The following VCF1 variants were observed in gnomAD, a reference collection of about 807,000 sequenced individuals.
The protein encoded by VCF1 is VCP nuclear cofactor family member 1.
chr17:73,211,499 T>C, the VCF1 span, among the ~76,000 whole-genome samples: 136,112 of 148,702 alleles, frequency 0.92, 62,820 homozygotes, highest in Non-Finnish European at 0.99. Context: ...ACCTGGGGGG[T>C]GGAGGTTGCA....
At chr17:73,209,436 G>T in the VCF1 span, 1 of 1,436,570 alleles carries the variant, frequency 7.0e-7, no homozygotes, top group Non-Finnish European at 9.3e-7. Flanking sequence ...GGCATTTTTC[G>T]TGTGCAATTT....
chr17:73,222,587 G>C, the VCF1 span, among the ~76,000 whole-genome samples: 1 of 151,906 alleles, frequency 6.6e-6, no homozygotes, highest in Non-Finnish European at 1.5e-5. Context: ...AGACCAGCCT[G>C]GCCAACATCG....
the VCF1 span, among the ~76,000 whole-genome samples, chr17:73,211,567 CAA>C: frequency 7.6e-6 from 1 of 132,072 alleles, no homozygotes; most frequent in Admixed American, 7.7e-5. Flanking sequence ...GACTTCATCT[CAA>C]AAAAAAAAAA....
chr17:73,229,579 G>C, the VCF1 span: 1 of 985,278 alleles, frequency 1.0e-6, no homozygotes, highest in Non-Finnish European at 1.2e-6. Context: ...AATCTTAAGA[G>C]TATGGGCTGG....
the VCF1 span, chr17:73,212,657 T>G: frequency 1.2e-4 from 182 of 1,582,302 alleles, no homozygotes; most frequent in Non-Finnish European, 1.5e-4. Context: ...AACAGGTCAC[T>G]ACACTCAATT....
chr17:73,210,753 C>T, the VCF1 span, among the ~76,000 whole-genome samples: 1 of 128,024 alleles, frequency 7.8e-6, no homozygotes, highest in Non-Finnish European at 1.6e-5. Flanking sequence ...CACCATGCCT[C>T]GTTATTTTTT....
the VCF1 span, among the ~76,000 whole-genome samples, chr17:73,211,029 AG>A: frequency 1.3e-5 from 2 of 152,252 alleles, no homozygotes; most frequent in African/African-American, 4.8e-5. Flanking sequence ...AAAGAATTCT[AG>A]TAATTAATAT....
At chr17:73,225,008 A>G in the VCF1 span, among the ~76,000 whole-genome samples, 1 of 45,808 alleles carries the variant, frequency 2.2e-5, no homozygotes, top group Non-Finnish European at 5.2e-5. Flanking sequence ...AGGACAGGAC[A>G]GCATAGGATA....
At chr17:73,207,741 T>C in the VCF1 span, 1 of 1,291,632 alleles carries the variant, frequency 7.7e-7, no homozygotes, top group Non-Finnish European at 1.0e-6. Flanking sequence ...TCCTCCTGGG[T>C]ATTTCTGAAT....
At chr17:73,209,719 ATGC>A in the VCF1 span, 182 of 1,412,832 alleles carry the variant, frequency 1.3e-4, no homozygotes, top group Middle Eastern at 5.5e-4. Flanking sequence ...CGGGCTATTG[ATGC>A]TGCTGCTGCT....
the VCF1 span, chr17:73,232,221 G>T: frequency 6.2e-7 from 1 of 1,611,342 alleles, no homozygotes; most frequent in South Asian, 1.1e-5. Context: ...TCTCGCAGCC[G>T]CTCGGGTGGA....
chr17:73,209,485 G>C, the VCF1 span: 3 of 1,551,104 alleles, frequency 1.9e-6, no homozygotes, highest in Non-Finnish European at 1.7e-6. Context: ...TATCAAATCT[G>C]CACAGCGCTG....
the VCF1 span, among the ~76,000 whole-genome samples, chr17:73,212,019 G>C: frequency 1.3e-5 from 2 of 152,150 alleles, no homozygotes; most frequent in African/African-American, 2.4e-5. Context: ...CAATCGGAAT[G>C]AGACTGTCTC....
chr17:73,210,395 T>C, the VCF1 span, among the ~76,000 whole-genome samples: 2 of 152,136 alleles, frequency 1.3e-5, no homozygotes, highest in African/African-American at 4.8e-5. Flanking sequence ...TGCCTAACTT[T>C]TTCTTTAATG....
chr17:73,229,771 G>A, the VCF1 span, among the ~76,000 whole-genome samples: 1 of 149,712 alleles, frequency 6.7e-6, no homozygotes, highest in East Asian at 2.0e-4. Context: ...GGGAGGCTGA[G>A]GCAGGGGAAC....
At chr17:73,212,719 T>G in the VCF1 span, 1 of 1,592,044 alleles carries the variant, frequency 6.3e-7, no homozygotes, top group East Asian at 2.3e-5. Flanking sequence ...TTTTCTTTAC[T>G]GTTTCTCATT....
the VCF1 span, chr17:73,227,219 G>C: frequency 5.0e-5 from 80 of 1,586,640 alleles, no homozygotes; most frequent in South Asian, 8.1e-5. Flanking sequence ...TTTTGGTCTG[G>C]GGGGGAAGAT....
chr17:73,214,051 T>C, the VCF1 span, among the ~76,000 whole-genome samples: 13 of 152,226 alleles, frequency 8.5e-5, no homozygotes, highest in East Asian at 5.8e-4. Flanking sequence ...CTGAAAAGTA[T>C]TGATACTGCC....
At chr17:73,213,068 AC>A in the VCF1 span, among the ~76,000 whole-genome samples, 119 of 151,962 alleles carry the variant, frequency 7.8e-4, 1 homozygote, top group African/African-American at 2.6e-3. Flanking sequence ...ACATGGTGAA[AC>A]CCCGTCTCTA....
Sources: gnomAD v4.1 joint callset for allele counts (sites outside exome capture counted in the v4.1 genomes callset) on GRCh38, gnomAD v4.1.1 for gene constraint, MANE v1.5 for transcripts, NCBI Gene and HGNC (gene_info 2026-07-23, HGNC 2026-07-21) for gene names.